The following PLCG2 variants were observed in gnomAD, a reference collection of about 807,000 sequenced individuals.
PLCG2 encodes the protein 1-phosphatidylinositol 4,5-bisphosphate phosphodiesterase gamma-2.
A neutral mutation model predicts 175.6 loss-of-function variants in PLCG2; 69 were observed. That is an observed-to-expected ratio of 0.39 (90% CI 0.32 to 0.48). PLCG2 has a LOEUF of 0.48. PLCG2 is among the 20% of genes least tolerant of loss of function. The probability of loss-of-function intolerance (pLI) is 0.91; values close to 1 mark genes in which losing one functional copy is unlikely to be tolerated. For synonymous variants in PLCG2, 827 were observed against 624.0 expected, an observed-to-expected ratio of 1.33 and a Z score of -4.85; for missense variants, 1,798 against 1,650.9, an observed-to-expected ratio of 1.09 and a Z score of -1.54.
At chr16:81,890,872 T>C (rs1272308434) in intron 10 of PLCG2, among the ~76,000 whole-genome samples, 3 of 152,128 alleles carry the variant, frequency 2.0e-5, no homozygotes, top group Admixed American at 6.5e-5. Context: ...CTTTAAATTG[T>C]ATATATGAGG....
At chr16:81,773,258 C>G (rs1171535197) in intron 2 of PLCG2, among the ~76,000 whole-genome samples, 1 of 152,138 alleles carries the variant, frequency 6.6e-6, no homozygotes, top group Non-Finnish European at 1.5e-5. Context: ...AATCGGTGTC[C>G]CTGTTGACAC....
chr16:81,816,661 T>C (rs867628566), intron 2 of PLCG2, among the ~76,000 whole-genome samples: 15,703 of 128,946 alleles, frequency 0.12, 1,809 homozygotes, highest in Non-Finnish European at 0.16. Context: ...ATTTTTTTTT[T>C]TTTTTTTTTT....
At chr16:81,907,920 C>A in intron 16 of PLCG2, 146 bp downstream of exon 16, 1 of 603,372 alleles carries the variant, frequency 1.7e-6, no homozygotes, top group South Asian at 1.9e-5. Flanking sequence ...CTCTGGGTAC[C>A]ATGTCCTGGC....
At chr16:81,900,869 C>A in intron 14 of PLCG2, 89 bp downstream of exon 14, 2 of 1,178,510 alleles carry the variant, frequency 1.7e-6, no homozygotes, top group South Asian at 1.5e-5. Flanking sequence ...AGTTCTATGT[C>A]CTACTGGGCC....
rs1380365867 is a variant in PLCG2 at position 81,741,581 on chromosome 16, G to A, written c.-145+2196G>A. ...TCCCAGCCCTTTGGGAGGCCAAGGCGGGCAGATCAGTTGAGGCCAGGAGTT... is the reference window on the plus strand; with the variant it reads ...TCCCAGCCCTTTGGGAGGCCAAGGCAGGCAGATCAGTTGAGGCCAGGAGTT... On this transcript the variant is annotated intron_variant, in intron 1 of 5. Coordinates refer to the PLCG2 transcript ENST00000565054. Among the ~76,000 whole-genome samples the A allele has an allele frequency of 2.6e-5, 4 of 152,130 alleles. No homozygotes were observed. The South Asian group carries it at 6.2e-4, about 24-fold the overall frequency.
chr16:81,761,088 G>A (rs535461036), intron 2 of PLCG2, among the ~76,000 whole-genome samples: 1 of 152,156 alleles, frequency 6.6e-6, no homozygotes, highest in African/African-American at 2.4e-5. Flanking sequence ...GTAGTAACAA[G>A]GTTTCACTAT....
rs540797477 is a variant in PLCG2, at chr16:81,819,731, C to A, written c.193+33549C>A. Reference sequence around the variant, plus strand: ...TCCTGAGCAGCTGGGATTACAGGTACCCACCACCATGCCTGGCTAATTTTT... The same window carrying A: ...TCCTGAGCAGCTGGGATTACAGGTAACCACCACCATGCCTGGCTAATTTTT... On this transcript the variant is annotated intron_variant, in intron 2 of 32. Coordinates refer to ENST00000564138, the MANE Select transcript of PLCG2 (RefSeq NM_002661.5). Among the ~76,000 whole-genome samples the A allele has an allele frequency of 4.5e-4, 68 of 152,212 alleles. 1 individual carries two copies. In the South Asian group the frequency reaches 0.014, roughly 31 times the overall value.
chr16:81,801,713 C>G (rs530499064), intron 2 of PLCG2, among the ~76,000 whole-genome samples: 4 of 151,768 alleles, frequency 2.6e-5, no homozygotes, highest in South Asian at 4.2e-4. Context: ...TGGTGTCTTG[C>G]TTTGTCACCC....
At chr16:81,767,273 T>G (rs1910171929) in intron 2 of PLCG2, among the ~76,000 whole-genome samples, 1 of 148,500 alleles carries the variant, frequency 6.7e-6, no homozygotes, top group African/African-American at 2.5e-5. Flanking sequence ...GCCTCCCGAA[T>G]AGCTGGGGTT....
At position 81,960,515 on chromosome 16, in the gene PLCG2, G is replaced by A. The variant is rs911547998; in HGVS notation, c.*2517G>A. 1 of 231,394 alleles carries A rather than the reference G, an allele frequency of 4.3e-6. No individual in the cohort carries two copies. Among genetic ancestry groups the A allele is most frequent in the Non-Finnish European group, 8.6e-6 (1 of 116,942 alleles). The allele number at this position is 231,394 out of a possible 1,614,324, so 14.3% of individuals were successfully genotyped here. On this transcript the variant is annotated 3_prime_UTR_variant, in exon 33 of 33. Coordinates refer to ENST00000564138, the MANE Select transcript of PLCG2 (RefSeq NM_002661.5). ...AAAGTGGGGAGGCTGGTTAGGCCTT[G>A]TGAGTTTGGGAAACTTAGGTTATAA...
chr16:81,839,594 T>C (rs751151144), intron 2 of PLCG2, among the ~76,000 whole-genome samples: 3 of 152,214 alleles, frequency 2.0e-5, no homozygotes, highest in Non-Finnish European at 4.4e-5. Context: ...CTTAATTTTA[T>C]ATAGAAAAGA....
chr16:81,875,791 A>C (rs1196407845), intron 7 of PLCG2, among the ~76,000 whole-genome samples: 1 of 152,192 alleles, frequency 6.6e-6, no homozygotes, highest in African/African-American at 2.4e-5. Context: ...AAGGCTGCTA[A>C]CGTATCTCTG....
chr16:81,766,492 TCCTCCTCTTCCTCCTC>T (rs1910153838), intron 2 of PLCG2, among the ~76,000 whole-genome samples: 1 of 151,206 alleles, frequency 6.6e-6, no homozygotes, highest in Non-Finnish European at 1.5e-5. Flanking sequence ...TTCCTCCTCC[TCCTCCTCTTCCTCCTC>T]CTCCTCAGGT....
At chr16:81,869,072 G>A in intron 5 of PLCG2, 142 bp from the exon 6 acceptor site, 1 of 682,450 alleles carries the variant, frequency 1.5e-6, no homozygotes, top group South Asian at 1.7e-5. Context: ...TCAATGTCTT[G>A]TTCCCAGTTA....
At chr16:81,870,739 A>C in intron 6 of PLCG2, 113 bp from the exon 7 acceptor site, 1 of 576,294 alleles carries the variant, frequency 1.7e-6, no homozygotes, top group Non-Finnish European at 3.0e-6. Flanking sequence ...TCTCTTCAGC[A>C]TGCCAATAAA....
intron 5 of PLCG2, among the ~76,000 whole-genome samples, chr16:81,863,528 T>A (rs1293169110): frequency 6.6e-6 from 1 of 152,232 alleles, no homozygotes; most frequent in Non-Finnish European, 1.5e-5. Context: ...CAAATCTGTT[T>A]GAGTCTCTGC....
At chr16:81,824,884 C>G (rs919330522) in intron 2 of PLCG2, among the ~76,000 whole-genome samples, 33 of 152,318 alleles carry the variant, frequency 2.2e-4, no homozygotes, top group African/African-American at 7.9e-4. Context: ...TGGGGAGATT[C>G]TCCTGCATGA....
At chr16:81,887,235 T>C (rs1487560019) in intron 9 of PLCG2, among the ~76,000 whole-genome samples, 1 of 151,810 alleles carries the variant, frequency 6.6e-6, no homozygotes, top group Non-Finnish European at 1.5e-5. Context: ...TTCTCCTGCC[T>C]CAGCCTCCCG....
chr16:81,841,514 T>C (rs112662663), intron 2 of PLCG2, among the ~76,000 whole-genome samples: 1 of 152,176 alleles, frequency 6.6e-6, no homozygotes, highest in Non-Finnish European at 1.5e-5. Context: ...GTGCTGGGAT[T>C]ACAGGCATGA....
Sources: allele counts gnomAD v4.1 joint callset (sites outside exome capture counted in the v4.1 genomes callset), GRCh38; gene constraint gnomAD v4.1.1; transcripts MANE v1.5; gene names NCBI Gene and HGNC (gene_info 2026-07-23, HGNC 2026-07-21).